The following ATP6V0A4 variants were observed in gnomAD, a reference collection of about 807,000 sequenced individuals.
ATP6V0A4 encodes ATPase H+ transporting V0 subunit a4, also known as V-type proton ATPase 116 kDa subunit a 4.
Under a neutral mutation model 107.3 loss-of-function variants are expected in ATP6V0A4, and 86 were observed. The ratio of observed to expected loss-of-function variants is 0.80; its 90% CI spans 0.67 to 0.96. The LOEUF (loss-of-function observed/expected upper bound fraction) is 0.96, where lower values mean the gene tolerates loss of function less well. Ranked by LOEUF, ATP6V0A4 falls within the 40% of genes least tolerant of loss-of-function variation. The pLI is 0.00. For synonymous variants in ATP6V0A4, 353 were observed against 381.4 expected, an observed-to-expected ratio of 0.93 and a Z score of 0.87; for missense variants, 908 against 1,045.6, an observed-to-expected ratio of 0.87 and a Z score of 1.81.
At chr7:138,725,104 C>T (rs1283065568) in intron 18 of ATP6V0A4, among the ~76,000 whole-genome samples, 1 of 152,048 alleles carries the variant, frequency 6.6e-6, no homozygotes, top group Non-Finnish European at 1.5e-5. Context: ...GACCTCATCT[C>T]TACCAAAAAA....
chr7:138,725,852 A>C (rs1204399764), intron 18 of ATP6V0A4, among the ~76,000 whole-genome samples: 1 of 151,836 alleles, frequency 6.6e-6, no homozygotes, highest in Non-Finnish European at 1.5e-5. Context: ...TTCTCGATTT[A>C]AGTGCTGGTG....
chr7:138,771,622 A>G (rs1807395663), intron 2 of ATP6V0A4, among the ~76,000 whole-genome samples: 1 of 151,816 alleles, frequency 6.6e-6, no homozygotes, highest in Non-Finnish European at 1.5e-5. Flanking sequence ...TTGGCAAAAT[A>G]TTATACTTTA....
At chr7:138,723,054 TC>T (rs1562983751) in intron 18 of ATP6V0A4, among the ~76,000 whole-genome samples, 1 of 30,996 alleles carries the variant, frequency 3.2e-5, no homozygotes, top group Non-Finnish European at 5.9e-5. Context: ...TGAGACTGTC[TC>T]AAAAAAAAAA....
chr7:138,717,964 G>A (rs1011198460), intron 19 of ATP6V0A4, among the ~76,000 whole-genome samples: 1 of 151,008 alleles, frequency 6.6e-6, no homozygotes, highest in Non-Finnish European at 1.5e-5. Context: ...AGAAACTGAT[G>A]AGGAAAAGAA....
chr7:138,783,393 AG>A, intron 2 of ATP6V0A4, among the ~76,000 whole-genome samples: 1 of 152,210 alleles, frequency 6.6e-6, no homozygotes, highest in East Asian at 1.9e-4. Context: ...CAACATAGCA[AG>A]ACCCTGTCTC....
chr7:138,706,631 T>G lies in ATP6V0A4; in HGVS notation c.2516A>C (p.Glu839Ala), dbSNP rs763400668. The G allele has an allele frequency of 2.7e-5, 43 of 1,613,922 alleles. No individual in the cohort carries two copies. The highest frequency in any genetic ancestry group is 8.9e-5 in the East Asian group (4 of 44,858). ...GGAGGTGCAGCCCTCAGCCTACTCCTCGGCTGTGCCATCCAGGATGTGTTT... is the reference window on the plus strand; with the variant it reads ...GGAGGTGCAGCCCTCAGCCTACTCCGCGGCTGTGCCATCCAGGATGTGTTT... Reference protein sequence around the residue: ...SFKHILDGTAEE With the variant: ...SFKHILDGTAAE Residue 839 changes from glutamate (E) to alanine (A), a missense_variant, in exon 22 of 22, where the codon GAG becomes GCG. By Grantham distance (107) the Glu-to-Ala change is moderately radical. Transcript: ENST00000310018.
At position 138,755,762 on chromosome 7, in the gene ATP6V0A4, G is replaced by C; in HGVS notation, c.743C>G (p.Pro248Arg). The change falls in exon 10 of 22, where the codon CCT becomes CGT. Residue 248 changes from proline to arginine, a missense_variant. Coordinates refer to ENST00000310018, the MANE Select transcript of ATP6V0A4 (RefSeq NM_020632.3). Reference sequence around the variant, plus strand: ...GCGCTCCACCGCAGGCTCTGGGCAAGGGTAGACAGTGGCTCGAAACCTGTG... The same window carrying C: ...GCGCTCCACCGCAGGCTCTGGGCAACGGTAGACAGTGGCTCGAAACCTGTG... ...ICDGFRATVYPCPEPAVERRE... is the reference protein window; with the variant it reads ...ICDGFRATVYRCPEPAVERRE... 2 of 1,613,704 alleles carry C rather than the reference G, an allele frequency of 1.2e-6. No homozygotes were observed. Among genetic ancestry groups the C allele is most frequent in the South Asian group, 2.2e-5 (2 of 91,088 alleles).
At chr7:138,739,408 G>A (rs527579547) in intron 15 of ATP6V0A4, 132 bp downstream of exon 15, 71 of 1,157,830 alleles carry the variant, frequency 6.1e-5, no homozygotes, top group South Asian at 1.5e-4. Flanking sequence ...TCACAAAAAC[G>A]TCAGCAGAAG....
intron 19 of ATP6V0A4, among the ~76,000 whole-genome samples, chr7:138,716,123 A>G (rs1804021591): frequency 6.6e-6 from 1 of 152,208 alleles, no homozygotes; most frequent in Admixed American, 6.5e-5. Flanking sequence ...ATGGGTGGTA[A>G]GGGGAGATGA....
At position 138,742,900 on chromosome 7, in the gene ATP6V0A4, CAAAA is replaced by C. The variant is rs563017805; in HGVS notation, c.1478+2219_1478+2222del. 1.1e-4 allele frequency among the ~76,000 whole-genome samples: 14 copies of C among 131,684 alleles called. No individual in the cohort carries two copies. In the South Asian group the frequency reaches 2.7e-3, roughly 25 times the overall value. The allele number at this position is 131,684 out of a possible 152,430, so 86.4% of individuals were successfully genotyped here. On this transcript the variant is annotated intron_variant, in intron 14 of 21. Transcript: ENST00000310018. Reference sequence around the variant, plus strand: ...TCTCTTTAGAATACTAATTGCAAAGCAAAAAAAAAAAAAAATCACAGATATAGCT... The same window carrying C: ...TCTCTTTAGAATACTAATTGCAAAGCAAAAAAAAAAATCACAGATATAGCT...
At position 138,792,104 on chromosome 7, in the gene ATP6V0A4, C is replaced by G. The variant is rs187867060; in HGVS notation, c.-120-5844G>C. On this transcript the variant is annotated intron_variant, in intron 1 of 21. Transcript: ENST00000310018. ...TGGGCAGATCACGAGGTCAGGAGAT[C>G]GAGACCATCCTGGCTAACACGGTGA... is the stretch of plus-strand genomic sequence containing the variant. Among the ~76,000 whole-genome samples the G allele has an allele frequency of 4.3e-4, 66 of 152,160 alleles. 1 individual carries two copies. Among genetic ancestry groups the G allele is most frequent in the East Asian group, 7.7e-4 (4 of 5,174 alleles).
At chr7:138,791,656 G>A (rs577099945) in intron 1 of ATP6V0A4, among the ~76,000 whole-genome samples, 1 of 152,290 alleles carries the variant, frequency 6.6e-6, no homozygotes, top group African/African-American at 2.4e-5. Context: ...GTAGCCAAAA[G>A]AAATGAAATG....
chr7:138,736,880 TA>T (rs1187764237), intron 15 of ATP6V0A4, among the ~76,000 whole-genome samples: 1 of 151,796 alleles, frequency 6.6e-6, no homozygotes, highest in Non-Finnish European at 1.5e-5. Context: ...CTAGGGCTGT[TA>T]TTATATGCGT....
At chr7:138,733,238 C>T in intron 16 of ATP6V0A4, 145 bp from the exon 17 acceptor site, 2 of 1,359,800 alleles carry the variant, frequency 1.5e-6, no homozygotes, top group Non-Finnish European at 2.0e-6. Flanking sequence ...CCCCACCCCC[C>T]CAGCAAACAG....
intron 1 of ATP6V0A4, among the ~76,000 whole-genome samples, chr7:138,787,389 C>T (rs1350765618): frequency 1.4e-4 from 21 of 152,156 alleles, no homozygotes; most frequent in Admixed American, 1.4e-3. Context: ...TACATGACTC[C>T]TCCAAGGTCA....
At position 138,773,131 on chromosome 7, in the gene ATP6V0A4, G is replaced by A. The variant is rs559867026; in HGVS notation, c.-17-1867C>T. Among the ~76,000 whole-genome samples the A allele has an allele frequency of 2.6e-5, 4 of 152,168 alleles. No individual in the cohort carries two copies. The East Asian group carries it at 7.7e-4, about 29-fold the overall frequency. ...AGTATCTACTGTGTGCTCGATACTG[G>A]GCCTACCCATTGTCCCAGTTTCACA... On this transcript the variant is annotated intron_variant, in intron 2 of 21. Coordinates refer to ENST00000310018, the MANE Select transcript of ATP6V0A4 (RefSeq NM_020632.3). The surrounding 1 kb of genome is among the most constrained non-coding windows in gnomAD (Gnocchi z 5.4).
At chr7:138,706,867 G>T (rs1014624426) in intron 21 of ATP6V0A4, 150 bp from the exon 22 acceptor site, 32 of 1,223,720 alleles carry the variant, frequency 2.6e-5, no homozygotes, top group Non-Finnish European at 3.4e-5. Flanking sequence ...CCAGGCTGAT[G>T]GCTGCCATGA....
Position 138,752,655 on chromosome 7 carries a change from T to C in ATP6V0A4, c.999A>G (p.Thr333=). 1 of 1,613,830 alleles carries C rather than the reference T, an allele frequency of 6.2e-7. No individual in the cohort carries two copies. Among genetic ancestry groups the C allele is most frequent in the African/African-American group, 1.3e-5 (1 of 75,026 alleles). ...CTTGCTCCAGTGCCCTCTTGATACGTGTGGCATCTGCCACCGGGAACCAGA... is the reference window on the plus strand; with the variant it reads ...CTTGCTCCAGTGCCCTCTTGATACGCGTGGCATCTGCCACCGGGAACCAGA... ...AEIWFPVADA[T]RIKRALEQGM... Residue 333 remains threonine (T), a synonymous_variant, in exon 11 of 22, where the codon ACA becomes ACG. Transcript: ENST00000310018.
intron 1 of ATP6V0A4, among the ~76,000 whole-genome samples, chr7:138,789,336 C>T (rs960430495): frequency 6.6e-6 from 1 of 152,002 alleles, no homozygotes; most frequent in African/African-American, 2.4e-5. Context: ...CAAACTCTGC[C>T]TCCTGGGTTC....
Sources: gnomAD v4.1 joint callset for allele counts (sites outside exome capture counted in the v4.1 genomes callset) on GRCh38, gnomAD v4.1.1 for gene constraint, Gnocchi (gnomAD v3.1) non-coding constraint, MANE v1.5 for transcripts, NCBI Gene and HGNC (gene_info 2026-07-23, HGNC 2026-07-21) for gene names.